The following GRID2 variants were observed in gnomAD, a reference collection of about 807,000 sequenced individuals.
The protein encoded by GRID2 is glutamate ionotropic receptor delta type subunit 2.
Under a neutral mutation model 114.8 loss-of-function variants are expected in GRID2, and 33 were observed. That is an observed-to-expected ratio of 0.29 (90% CI 0.22 to 0.38). GRID2 has a LOEUF of 0.38. GRID2 is among the 10% of genes least tolerant of loss of function. The pLI is 1.00. For missense variants in GRID2, 1,184 were observed against 1,257.7 expected, an observed-to-expected ratio of 0.94 and a Z score of 0.89; for synonymous variants, 505 against 449.9, an observed-to-expected ratio of 1.12 and a Z score of -1.55.
intron 9 of GRID2, among the ~76,000 whole-genome samples, chr4:93,419,593 A>G (rs1768065348): frequency 6.6e-6 from 1 of 152,082 alleles, no homozygotes; most frequent in South Asian, 2.1e-4. Flanking sequence ...GAAGAATGAT[A>G]GGATGCAATG....
chr4:92,580,236 AT>A (rs1560469777), intron 1 of GRID2, among the ~76,000 whole-genome samples: 1 of 151,532 alleles, frequency 6.6e-6, no homozygotes, highest in African/African-American at 2.4e-5. Flanking sequence ...TTCCCTGGAA[AT>A]ATCTGTATAT....
intron 2 of GRID2, among the ~76,000 whole-genome samples, chr4:92,982,560 C>G (rs2149189940): frequency 6.6e-6 from 1 of 152,130 alleles, no homozygotes; most frequent in African/African-American, 2.4e-5. Flanking sequence ...TTCTGCTCTG[C>G]CCTTTCATCC....
intron 13 of GRID2, among the ~76,000 whole-genome samples, chr4:93,577,162 C>T (rs911976929): frequency 6.6e-6 from 1 of 151,978 alleles, no homozygotes; most frequent in Admixed American, 6.6e-5. Flanking sequence ...TACACTCAAG[C>T]GTCATACAAA....
intron 2 of GRID2, among the ~76,000 whole-genome samples, chr4:92,615,638 T>C (rs1198118112): frequency 1.3e-5 from 2 of 151,614 alleles, no homozygotes; most frequent in Non-Finnish European, 3.0e-5. Flanking sequence ...TATCATTGGA[T>C]TTTTGCCTGA....
chr4:93,396,926 G>C (rs1422570135), intron 9 of GRID2, among the ~76,000 whole-genome samples: 1 of 151,886 alleles, frequency 6.6e-6, no homozygotes, highest in Non-Finnish European at 1.5e-5. Flanking sequence ...TCCATAGTTA[G>C]TACTTTATTT....
intron 2 of GRID2, among the ~76,000 whole-genome samples, chr4:92,686,775 G>A (rs1024967480): frequency 7.3e-5 from 11 of 151,686 alleles, no homozygotes; most frequent in African/African-American, 2.2e-4. Flanking sequence ...TATTTCTAAG[G>A]GATACTAATT....
At chr4:93,030,921 G>A (rs1724362605) in intron 2 of GRID2, among the ~76,000 whole-genome samples, 1 of 151,796 alleles carries the variant, frequency 6.6e-6, no homozygotes, top group Non-Finnish European at 1.5e-5. Flanking sequence ...AGCTATTTGG[G>A]GAAGATGAAA....
At chr4:92,917,126 T>C (rs1357572705) in intron 2 of GRID2, among the ~76,000 whole-genome samples, 1 of 152,232 alleles carries the variant, frequency 6.6e-6, no homozygotes, top group Admixed American at 6.5e-5. Flanking sequence ...ATGAGCATTT[T>C]TTCATGTGTC....
At chr4:92,770,437 A>G (rs939737844) in intron 2 of GRID2, among the ~76,000 whole-genome samples, 12 of 152,020 alleles carry the variant, frequency 7.9e-5, no homozygotes, top group Admixed American at 6.6e-5. Flanking sequence ...TTGCTTCCAT[A>G]CTTTTGGGTA....
chr4:92,694,009 T>C (rs1194627113), intron 2 of GRID2, among the ~76,000 whole-genome samples: 1 of 152,174 alleles, frequency 6.6e-6, no homozygotes. Flanking sequence ...TGGACTATCC[T>C]TTTGACAGAT....
chr4:92,932,279 G>T (rs1436331906), intron 2 of GRID2, among the ~76,000 whole-genome samples: 1 of 151,246 alleles, frequency 6.6e-6, no homozygotes, highest in Non-Finnish European at 1.5e-5. Flanking sequence ...ATGTGAGTAT[G>T]AAAAATATGC....
At chr4:92,930,035 C>G (rs1428608176) in intron 2 of GRID2, among the ~76,000 whole-genome samples, 5 of 151,190 alleles carry the variant, frequency 3.3e-5, no homozygotes, top group African/African-American at 7.3e-5. Context: ...CCATCTTGGC[C>G]TTGCCCACCA....
At chr4:93,798,340 A>G (rs1422163163) in intron 1 of GRID2, among the ~76,000 whole-genome samples, 1 of 151,950 alleles carries the variant, frequency 6.6e-6, no homozygotes, top group African/African-American at 2.4e-5. Context: ...TAGCAAAGCC[A>G]TTAGACCTGA....
chr4:93,757,000 G>C (rs1299466305), intron 14 of GRID2, among the ~76,000 whole-genome samples: 3 of 152,152 alleles, frequency 2.0e-5, no homozygotes, highest in Admixed American at 2.0e-4. Flanking sequence ...GCAGTGTATG[G>C]TTCAATACTA....
chr4:92,304,873 C>T (rs1397068005), intron 1 of GRID2, 129 bp downstream of exon 1: 3 of 709,494 alleles, frequency 4.2e-6, no homozygotes, highest in East Asian at 5.2e-5. Context: ...TGCCCCTTCC[C>T]GCTACCCTTC....
chr4:92,827,322 A>G (rs974283261), intron 2 of GRID2, among the ~76,000 whole-genome samples: 1 of 151,958 alleles, frequency 6.6e-6, no homozygotes, highest in Admixed American at 6.6e-5. Context: ...TGCAATAAAC[A>G]TCAACAGGTA....
chr4:93,209,883 G>A (rs549258595), intron 5 of GRID2, among the ~76,000 whole-genome samples: 1 of 152,092 alleles, frequency 6.6e-6, no homozygotes, highest in African/African-American at 2.4e-5. Flanking sequence ...TATGATTATT[G>A]ATCATATGAT....
chr4:93,189,777 A>AC (rs1341769190), intron 4 of GRID2, among the ~76,000 whole-genome samples: 2 of 43,880 alleles, frequency 4.6e-5, no homozygotes, highest in African/African-American at 1.3e-4. Flanking sequence ...ACCACACCAC[A>AC]CACACACACA....
At chr4:92,718,332 A>G (rs1055503294) in intron 2 of GRID2, among the ~76,000 whole-genome samples, 18 of 152,160 alleles carry the variant, frequency 1.2e-4, no homozygotes, top group African/African-American at 4.1e-4. Flanking sequence ...GTACTTGTTT[A>G]CATGGTGTTT....
Sources: allele counts gnomAD v4.1 joint callset (sites outside exome capture counted in the v4.1 genomes callset), GRCh38; gene constraint gnomAD v4.1.1; transcripts MANE v1.5; gene names NCBI Gene and HGNC (gene_info 2026-07-23, HGNC 2026-07-21).